TMOD3: variants seen among roughly 807,000 people sequenced by gnomAD.
TMOD3 encodes the protein tropomodulin-3.
A neutral mutation model predicts 39.2 loss-of-function variants in TMOD3; 20 were observed. The observed-to-expected ratio is 0.51, with a 90% CI of 0.36 to 0.74. TMOD3 has a LOEUF of 0.74. Among genes scored for constraint, TMOD3 ranks in the 30% least tolerant of loss-of-function variants. TMOD3 has a pLI of 0.00. For synonymous variants in TMOD3, 143 were observed against 145.8 expected, an observed-to-expected ratio of 0.98 and a Z score of 0.14; for missense variants, 381 against 412.8, an observed-to-expected ratio of 0.92 and a Z score of 0.67.
At chr15:51,864,932 T>C (rs2056437856) in intron 2 of TMOD3, among the ~76,000 whole-genome samples, 1 of 152,124 alleles carries the variant, frequency 6.6e-6, no homozygotes, top group African/African-American at 2.4e-5. Context: ...GAGTGGTCTC[T>C]CCAGGATTAG....
intron 3 of TMOD3, among the ~76,000 whole-genome samples, chr15:51,884,219 G>A (rs932236309): frequency 3.3e-5 from 5 of 152,206 alleles, no homozygotes; most frequent in African/African-American, 7.2e-5. Flanking sequence ...GGGGCCATTG[G>A]ACTGAAGGTG....
At chr15:51,871,919 G>T (rs1275883394) in intron 3 of TMOD3, among the ~76,000 whole-genome samples, 4 of 152,030 alleles carry the variant, frequency 2.6e-5, no homozygotes, top group Non-Finnish European at 5.9e-5. Context: ...TATTTTTACT[G>T]CCTCTTTTAG....
chr15:51,895,526 T>A (rs2056616216), intron 6 of TMOD3, among the ~76,000 whole-genome samples: 1 of 152,084 alleles, frequency 6.6e-6, no homozygotes, highest in Non-Finnish European at 1.5e-5. Context: ...GGCCTATTTT[T>A]ATTTTTTTTA....
chr15:51,832,642 G>A (rs2056262393), intron 1 of TMOD3, among the ~76,000 whole-genome samples: 1 of 151,872 alleles, frequency 6.6e-6, no homozygotes, highest in African/African-American at 2.4e-5. Context: ...GGACAGCCTG[G>A]GCAACATAGC....
At chr15:51,904,775 G>A (rs2056669787) in intron 9 of TMOD3, among the ~76,000 whole-genome samples, 1 of 152,172 alleles carries the variant, frequency 6.6e-6, no homozygotes, top group South Asian at 2.1e-4. Flanking sequence ...TGCAAGATGG[G>A]GTGTGGGGGG....
chr15:51,883,553 A>G (rs2056545014), intron 3 of TMOD3, among the ~76,000 whole-genome samples: 1 of 152,214 alleles, frequency 6.6e-6, no homozygotes. Flanking sequence ...TTTGACATAC[A>G]TATTAGCTCA....
At chr15:51,832,580 C>T (rs1441088772) in intron 1 of TMOD3, among the ~76,000 whole-genome samples, 1 of 151,958 alleles carries the variant, frequency 6.6e-6, no homozygotes, top group African/African-American at 2.4e-5. Context: ...TTCTGTGGTA[C>T]CAGCCACTTG....
chr15:51,889,009 CTCT>C (rs763037173), intron 4 of TMOD3, 44 bp from the exon 5 acceptor site: 17 of 1,264,502 alleles, frequency 1.3e-5, no homozygotes, highest in Non-Finnish European at 1.8e-5. Flanking sequence ...AGTTGTAAAA[CTCT>C]TCATGTTTAA....
intron 9 of TMOD3, among the ~76,000 whole-genome samples, chr15:51,906,080 A>G (rs2056679149): frequency 6.6e-6 from 1 of 151,856 alleles, no homozygotes; most frequent in Non-Finnish European, 1.5e-5. Flanking sequence ...ACAAGTGAGC[A>G]CCAGGTGAGA....
chr15:51,901,928 G>A lies in TMOD3; in HGVS notation c.916G>A (p.Ala306Thr), dbSNP rs749441813. ...QLGTAVELEM[A>T]KMLEENTNIL... The stretch of plus-strand genomic sequence containing the variant: ...GGGGACAGCTGTAGAATTGGAAATG[G>A]CCAAGATGCTTGAGGAAAATACAAA... Residue 306 changes from alanine (A) to threonine (T), a missense_variant, in exon 9 of 10, where the codon GCC (alanine) becomes ACC (threonine). By Grantham distance (58) the Ala-to-Thr change is moderately conservative. Transcript: ENST00000308580. 1 of 1,614,060 alleles carries A rather than the reference G, an allele frequency of 6.2e-7. No homozygotes were observed. Among genetic ancestry groups the A allele is most frequent in the Admixed American group, 1.7e-5 (1 of 60,012 alleles).
chr15:51,879,201 C>A (rs2056520315), intron 3 of TMOD3, among the ~76,000 whole-genome samples: 1 of 152,138 alleles, frequency 6.6e-6, no homozygotes, highest in Admixed American at 6.5e-5. Flanking sequence ...GAATTCTTAT[C>A]TCAATGTCTT....
At chr15:51,845,408 C>G (rs2056330973) in intron 1 of TMOD3, among the ~76,000 whole-genome samples, 1 of 152,174 alleles carries the variant, frequency 6.6e-6, no homozygotes, top group Non-Finnish European at 1.5e-5. Flanking sequence ...CATAGATCCG[C>G]TCACCCTCAG....
chr15:51,854,684 G>A (rs559854682), intron 1 of TMOD3, among the ~76,000 whole-genome samples: 3 of 152,216 alleles, frequency 2.0e-5, no homozygotes, highest in African/African-American at 7.2e-5. Flanking sequence ...AAAAGCTGTC[G>A]GGCCTCCTAG....
intron 1 of TMOD3, among the ~76,000 whole-genome samples, chr15:51,838,473 A>G (rs2056297340): frequency 6.6e-6 from 1 of 152,090 alleles, no homozygotes; most frequent in South Asian, 2.1e-4. Flanking sequence ...CTGCATTACT[A>G]TTGTAAGGCT....
chr15:51,880,454 C>A (rs867636311), intron 3 of TMOD3, among the ~76,000 whole-genome samples: 2 of 152,128 alleles, frequency 1.3e-5, no homozygotes, highest in Non-Finnish European at 2.9e-5. Context: ...TTTTGGAACC[C>A]CAGAAAGAAA....
chr15:51,866,301 TA>T (rs1409642026), intron 2 of TMOD3, among the ~76,000 whole-genome samples: 2 of 151,998 alleles, frequency 1.3e-5, no homozygotes, highest in Non-Finnish European at 2.9e-5. Context: ...CAAAAAATTT[TA>T]AAAATTAGCC....
intron 7 of TMOD3, among the ~76,000 whole-genome samples, chr15:51,897,283 TAC>T (rs2056625697): frequency 6.6e-6 from 1 of 152,048 alleles, no homozygotes; most frequent in African/African-American, 2.4e-5. Flanking sequence ...TGTTATTATC[TAC>T]AGTTTGTATC....
chr15:51,901,871 C>CT (rs1454277203), intron 8 of TMOD3, 21 bp from the exon 9 acceptor site: 2 of 1,604,742 alleles, frequency 1.2e-6, no homozygotes, highest in East Asian at 4.5e-5. Context: ...TAATATTGTT[C>CT]TTTTTTTCTA....
chr15:51,884,158 G>A (rs2056548278), intron 3 of TMOD3, among the ~76,000 whole-genome samples: 1 of 152,230 alleles, frequency 6.6e-6, no homozygotes, highest in African/African-American at 2.4e-5. Context: ...TCTAGTATTA[G>A]CTGTGCTGTG....
Sources: allele counts gnomAD v4.1 joint callset (sites outside exome capture counted in the v4.1 genomes callset), GRCh38; gene constraint gnomAD v4.1.1; transcripts MANE v1.5; gene names NCBI Gene and HGNC (gene_info 2026-07-23, HGNC 2026-07-21).